The following GPR39 variants were observed in gnomAD, a reference collection of about 807,000 sequenced individuals.
GPR39 encodes zinc sensing receptor.
A neutral mutation model predicts 18.4 loss-of-function variants in GPR39; 23 were observed. The ratio of observed to expected loss-of-function variants is 1.25; its 90% CI spans 0.90 to 1.77. The LOEUF (loss-of-function observed/expected upper bound fraction) is 1.77, where lower values mean the gene tolerates loss of function less well. Ranked by LOEUF, GPR39 falls within the 40% of genes most tolerant of loss-of-function variation. The pLI is 0.00. For missense variants in GPR39, 647 were observed against 602.4 expected (o/e 1.07, Z -0.78); for synonymous variants, 280 against 257.9 (o/e 1.09, Z -0.82).
intron 1 of GPR39, among the ~76,000 whole-genome samples, chr2:132,471,621 T>A (rs1681032841): frequency 6.6e-6 from 1 of 151,966 alleles, no homozygotes; most frequent in African/African-American, 2.4e-5. Flanking sequence ...CTACACCACA[T>A]CTTGAAAGGT....
chr2:132,418,709 C>T (rs1037983256), intron 1 of GPR39, among the ~76,000 whole-genome samples: 5 of 152,192 alleles, frequency 3.3e-5, no homozygotes, highest in Non-Finnish European at 5.9e-5. Context: ...GGTCTGTTGA[C>T]CCCAGAGCCT....
chr2:132,418,107 T>G (rs988728926), intron 1 of GPR39, among the ~76,000 whole-genome samples: 1 of 152,148 alleles, frequency 6.6e-6, no homozygotes, highest in Non-Finnish European at 1.5e-5. Flanking sequence ...CATGGTAGAT[T>G]ATGGTGAAAA....
chr2:132,602,883 A>AC (rs894961791), intron 1 of GPR39, among the ~76,000 whole-genome samples: 3 of 151,550 alleles, frequency 2.0e-5, no homozygotes, highest in East Asian at 1.9e-4. Flanking sequence ...AAAAAAAAAA[A>AC]AACAAATGCT....
At chr2:132,431,532 G>C (rs1274752504) in intron 1 of GPR39, among the ~76,000 whole-genome samples, 1 of 152,194 alleles carries the variant, frequency 6.6e-6, no homozygotes, top group African/African-American at 2.4e-5. Flanking sequence ...TCTGTCTCTA[G>C]GGCAGTTACT....
At chr2:132,640,137 A>G (rs1681834212) in intron 1 of GPR39, among the ~76,000 whole-genome samples, 1 of 152,288 alleles carries the variant, frequency 6.6e-6, no homozygotes, top group Middle Eastern at 3.4e-3. Context: ...TGGGGAACAC[A>G]CTAGTAGTTA....
At chr2:132,596,762 C>T (rs895028826) in intron 1 of GPR39, among the ~76,000 whole-genome samples, 1 of 152,186 alleles carries the variant, frequency 6.6e-6, no homozygotes, top group African/African-American at 2.4e-5. Flanking sequence ...TTAAAAACAT[C>T]CCAATGACCA....
intron 1 of GPR39, among the ~76,000 whole-genome samples, chr2:132,493,059 ACAC>A (rs1156384502): frequency 3.3e-5 from 3 of 90,422 alleles, no homozygotes; most frequent in Admixed American, 1.5e-4. Flanking sequence ...TACCATATAT[ACAC>A]CATATATATA....
At chr2:132,493,180 C>T (rs1410343940) in intron 1 of GPR39, among the ~76,000 whole-genome samples, 1 of 140,848 alleles carries the variant, frequency 7.1e-6, no homozygotes, top group Non-Finnish European at 1.5e-5. Context: ...ACCATATATA[C>T]ACCATATATA....
chr2:132,443,840 A>T (rs982572267), intron 1 of GPR39, among the ~76,000 whole-genome samples: 3 of 152,158 alleles, frequency 2.0e-5, no homozygotes, highest in Non-Finnish European at 4.4e-5. Context: ...GAGGCCAAGG[A>T]GGGTGAATCT....
chr2:132,619,642 T>C (rs1426495391), intron 1 of GPR39, among the ~76,000 whole-genome samples: 1 of 152,154 alleles, frequency 6.6e-6, no homozygotes, highest in Admixed American at 6.5e-5. Flanking sequence ...GGAACCTGTC[T>C]AGGCACAGCC....
At chr2:132,435,974 G>T (rs36007270) in intron 1 of GPR39, among the ~76,000 whole-genome samples, 19,077 of 152,266 alleles carry the variant, frequency 0.13, 1,463 homozygotes, top group Non-Finnish European at 0.17. Flanking sequence ...GAAAGCAAAA[G>T]TGTCAGCCCA....
chr2:132,619,378 G>A (rs913055484), intron 1 of GPR39, among the ~76,000 whole-genome samples: 6 of 152,116 alleles, frequency 3.9e-5, no homozygotes, highest in African/African-American at 7.2e-5. Context: ...CCCACCGAGC[G>A]TGTCTTTGGT....
At chr2:132,621,591 G>A (rs535757019) in intron 1 of GPR39, among the ~76,000 whole-genome samples, 1 of 152,324 alleles carries the variant, frequency 6.6e-6, no homozygotes, top group South Asian at 2.1e-4. Context: ...AATGGCCCAT[G>A]TAGTCTAACA....
chr2:132,518,371 G>A (rs548465482), intron 1 of GPR39, among the ~76,000 whole-genome samples: 4 of 152,128 alleles, frequency 2.6e-5, no homozygotes, highest in Non-Finnish European at 4.4e-5. Context: ...AGCTACTAAT[G>A]AGCAACAGCA....
chr2:132,620,494 C>T (rs1258099329), intron 1 of GPR39, among the ~76,000 whole-genome samples: 2 of 152,204 alleles, frequency 1.3e-5, no homozygotes, highest in South Asian at 4.1e-4. Context: ...TCACTGCAAA[C>T]CCTGCCCCAC....
intron 1 of GPR39, among the ~76,000 whole-genome samples, chr2:132,550,235 G>T (rs1481504425): frequency 1.3e-5 from 2 of 152,186 alleles, no homozygotes; most frequent in African/African-American, 4.8e-5. Context: ...AACACAAAAA[G>T]ATCATGCTAA....
At chr2:132,617,009 CA>C (rs988913993) in intron 1 of GPR39, among the ~76,000 whole-genome samples, 8 of 152,144 alleles carry the variant, frequency 5.3e-5, no homozygotes, top group African/African-American at 1.9e-4. Context: ...AATTTTTTTC[CA>C]GTAGCACAGT....
chr2:132,633,852 G>A (rs1342926027), intron 1 of GPR39, among the ~76,000 whole-genome samples: 4 of 151,858 alleles, frequency 2.6e-5, no homozygotes, highest in Non-Finnish European at 1.5e-5. Context: ...ATGTTGGTGG[G>A]GGTGGTAGCG....
At position 132,581,838 on chromosome 2, in the gene GPR39, C is replaced by T. The variant is rs114607822; in HGVS notation, c.857-63263C>T. 4.8e-3 allele frequency among the ~76,000 whole-genome samples: 724 copies of T among 152,132 alleles called. 6 individuals are homozygous for T. The highest frequency in any genetic ancestry group is 0.014 in the African/African-American group (572 of 41,480). The stretch of plus-strand genomic sequence containing the variant: ...TGCTCTTGGGGCCCATCTTTCAGGG[C>T]GAGTGATTCATTTTATAACTAGTTA... On this transcript the variant is annotated intron_variant, in intron 1 of 1. Coordinates refer to ENST00000329321, the MANE Select transcript of GPR39 (RefSeq NM_001508.3).
Sources: allele counts gnomAD v4.1 joint callset (sites outside exome capture counted in the v4.1 genomes callset), GRCh38; gene constraint gnomAD v4.1.1; transcripts MANE v1.5; gene names NCBI Gene and HGNC (gene_info 2026-07-23, HGNC 2026-07-21).